The following FHIT variants were observed in gnomAD, a reference collection of about 807,000 sequenced individuals.
The protein encoded by FHIT is fragile histidine triad diadenosine triphosphatase.
In FHIT, 19 loss-of-function variants were observed where a neutral mutation model predicts 17.9. The ratio of observed to expected loss-of-function variants is 1.06; its 90% CI spans 0.74 to 1.56. The LOEUF (loss-of-function observed/expected upper bound fraction) is 1.56. FHIT is among the 40% of genes most tolerant of loss of function. The pLI, the probability that FHIT is intolerant of heterozygous loss-of-function variation, is 0.00. For missense variants in FHIT, 248 were observed against 189.2 expected (o/e 1.31, Z -1.82); for synonymous variants, 81 against 69.7 (o/e 1.16, Z -0.81).
At chr3:60,562,152 C>T (rs1287692623) in intron 4 of FHIT, among the ~76,000 whole-genome samples, 1 of 152,166 alleles carries the variant, frequency 6.6e-6, no homozygotes, top group Non-Finnish European at 1.5e-5. Flanking sequence ...AATGTCTTAT[C>T]ATGGAGCTCA....
chr3:60,837,194 T>C (rs1275978437), intron 3 of FHIT, among the ~76,000 whole-genome samples: 2 of 152,210 alleles, frequency 1.3e-5, no homozygotes, highest in South Asian at 2.1e-4. Flanking sequence ...GAAGGGAGTA[T>C]ATATGGTGAA....
chr3:60,741,967 G>A (rs1553713997), intron 4 of FHIT, among the ~76,000 whole-genome samples: 1 of 152,200 alleles, frequency 6.6e-6, no homozygotes, highest in Non-Finnish European at 1.5e-5. Context: ...CAGGTCAGAA[G>A]GTTGCAACTC....
rs185354592 is a variant in FHIT, at chr3:59,768,988, C to G, written c.349-16667G>C. On this transcript the variant is annotated intron_variant, in intron 8 of 9. Coordinates refer to ENST00000492590, the MANE Select transcript of FHIT (RefSeq NM_002012.4). ...GTAGACAGCCTAACCTTGAGTACCT[C>G]AAGTCTTTGCCCCTGGATCCCACAT... is the stretch of plus-strand genomic sequence containing the variant. 3.0e-3 allele frequency among the ~76,000 whole-genome samples: 452 copies of G among 152,310 alleles called. 2 individuals carry two copies. The highest frequency in any genetic ancestry group is 6.8e-3 in the Middle Eastern group (2 of 294).
intron 1 of FHIT, among the ~76,000 whole-genome samples, chr3:61,239,563 A>C (rs748106007): frequency 3.3e-5 from 5 of 151,968 alleles, no homozygotes; most frequent in Non-Finnish European, 7.4e-5. Flanking sequence ...ACAGTATCTT[A>C]TAATCTTCCT....
At chr3:60,148,629 T>C (rs114191448) in intron 5 of FHIT, among the ~76,000 whole-genome samples, 180 of 152,274 alleles carry the variant, frequency 1.2e-3, no homozygotes, top group African/African-American at 3.8e-3. Context: ...TGAATTGATA[T>C]AGGTTACACC....
intron 8 of FHIT, among the ~76,000 whole-genome samples, chr3:59,857,155 C>T (rs969019501): frequency 6.6e-6 from 1 of 152,154 alleles, no homozygotes; most frequent in Non-Finnish European, 1.5e-5. Flanking sequence ...ATGTGTTCAC[C>T]TTTTCAGGGG....
intron 5 of FHIT, among the ~76,000 whole-genome samples, chr3:60,327,542 C>T (rs1210656861): frequency 6.6e-6 from 1 of 152,214 alleles, no homozygotes; most frequent in African/African-American, 2.4e-5. Context: ...TAGTTGCCAA[C>T]TCCATTGTAG....
At chr3:60,859,315 A>G (rs141299154) in intron 3 of FHIT, among the ~76,000 whole-genome samples, 66 of 152,290 alleles carry the variant, frequency 4.3e-4, no homozygotes, top group Admixed American at 2.4e-3. Context: ...CTATGCGTGC[A>G]CAGAAGAGCT....
At chr3:60,121,705 A>AAAC in intron 5 of FHIT, among the ~76,000 whole-genome samples, 1 of 77,654 alleles carries the variant, frequency 1.3e-5, no homozygotes, top group African/African-American at 6.3e-5. Context: ...AAACAAACAA[A>AAAC]ACAAACACAC....
chr3:60,265,318 CAGAG>C (rs1489604638), intron 5 of FHIT, among the ~76,000 whole-genome samples: 1 of 151,850 alleles, frequency 6.6e-6, no homozygotes, highest in East Asian at 1.9e-4. Flanking sequence ...ATTAAGCAAA[CAGAG>C]AAAGAGTAGT....
At chr3:60,318,278 G>A (rs989168520) in intron 5 of FHIT, among the ~76,000 whole-genome samples, 1 of 152,082 alleles carries the variant, frequency 6.6e-6, no homozygotes, top group Admixed American at 6.5e-5. Flanking sequence ...GACATCAAAA[G>A]AAAGAACTAA....
chr3:60,150,970 C>T (rs1385854244), intron 5 of FHIT, among the ~76,000 whole-genome samples: 1 of 151,826 alleles, frequency 6.6e-6, no homozygotes, highest in Non-Finnish European at 1.5e-5. Context: ...CTGAAATTTA[C>T]TTCACAATGG....
At chr3:60,011,559 A>T (rs1164082340) in intron 6 of FHIT, among the ~76,000 whole-genome samples, 159 bp from the exon 7 acceptor site, 5 of 134,062 alleles carry the variant, frequency 3.7e-5, no homozygotes, top group South Asian at 2.5e-4. Context: ...GGGATTAGAC[A>T]GTTCTCCATT....
intron 5 of FHIT, among the ~76,000 whole-genome samples, chr3:60,494,812 C>CT (rs1553634062): frequency 6.6e-6 from 1 of 152,152 alleles, no homozygotes; most frequent in Non-Finnish European, 1.5e-5. Flanking sequence ...TGATCTCATT[C>CT]TTTTTTGTGG....
At chr3:60,519,591 T>G (rs2035283681) in intron 5 of FHIT, among the ~76,000 whole-genome samples, 2 of 63,850 alleles carry the variant, frequency 3.1e-5, no homozygotes, top group South Asian at 8.3e-4. Context: ...AGAGAAAATA[T>G]TAATATTAAG....
At chr3:60,867,143 T>A (rs1704201484) in intron 3 of FHIT, among the ~76,000 whole-genome samples, 2 of 152,200 alleles carry the variant, frequency 1.3e-5, no homozygotes, top group Non-Finnish European at 2.9e-5. Context: ...GAAGCTGCTA[T>A]GTATTTGTGG....
Position 60,044,537 on chromosome 3 carries a change from C to T in FHIT, c.104-30385G>A, listed in dbSNP as rs564565987. On this transcript the variant is annotated intron_variant, in intron 5 of 9. Coordinates refer to ENST00000492590, the MANE Select transcript of FHIT (RefSeq NM_002012.4). ...AGTGTTTTAACAGGGTAAGTGATGA[C>T]GGTACAGGAAGAGAAGAAGGAAGAG... Among the ~76,000 whole-genome samples, 5 of 151,922 alleles carry T rather than the reference C, an allele frequency of 3.3e-5. No individual in the cohort carries two copies. The South Asian group carries it at 6.3e-4, about 19-fold the overall frequency.
At chr3:61,007,633 A>C (rs2031537597) in intron 3 of FHIT, among the ~76,000 whole-genome samples, 1 of 152,214 alleles carries the variant, frequency 6.6e-6, no homozygotes, top group Non-Finnish European at 1.5e-5. Flanking sequence ...AAAATTGTGT[A>C]ACTTGAAGGA....
intron 1 of FHIT, among the ~76,000 whole-genome samples, chr3:61,238,182 G>T (rs1052431519): frequency 6.6e-6 from 1 of 152,218 alleles, no homozygotes; most frequent in Non-Finnish European, 1.5e-5. Flanking sequence ...CCATTATGGG[G>T]AGGAAACGGG....
Sources: allele counts gnomAD v4.1 joint callset (sites outside exome capture counted in the v4.1 genomes callset), GRCh38; gene constraint gnomAD v4.1.1; transcripts MANE v1.5; gene names NCBI Gene and HGNC (gene_info 2026-07-23, HGNC 2026-07-21).